The following NUDCD1 variants were observed in gnomAD, a reference collection of about 807,000 sequenced individuals.
NUDCD1 encodes the protein nudC domain-containing protein 1.
NUDCD1 carries 60 observed loss-of-function variants against 67.8 expected under a neutral mutation model. That is an observed-to-expected ratio of 0.88 (90% CI 0.72 to 1.10). NUDCD1 has a LOEUF of 1.10. Ranked by LOEUF, NUDCD1 falls within the 50% of genes least tolerant of loss-of-function variation. The pLI, the probability that NUDCD1 is intolerant of heterozygous loss-of-function variation, is 0.00. For synonymous variants in NUDCD1, 244 were observed against 230.8 expected (o/e 1.06, Z -0.52); for missense variants, 643 against 695.0 (o/e 0.93, Z 0.84).
At chr8:109,324,453 C>T (rs1446884066) in intron 1 of NUDCD1, among the ~76,000 whole-genome samples, 2 of 151,408 alleles carry the variant, frequency 1.3e-5, no homozygotes, top group Admixed American at 1.3e-4. Context: ...TATAATCTGT[C>T]AGTGGGAATG....
At chr8:109,271,461 C>G (rs1814155675) in intron 7 of NUDCD1, among the ~76,000 whole-genome samples, 1 of 152,078 alleles carries the variant, frequency 6.6e-6, no homozygotes, top group Admixed American at 6.6e-5. Flanking sequence ...ATGTGACAGA[C>G]AGCTGATTAG....
chr8:109,307,404 C>T (rs866088792), intron 2 of NUDCD1, among the ~76,000 whole-genome samples: 3 of 152,198 alleles, frequency 2.0e-5, no homozygotes, highest in African/African-American at 7.2e-5. Context: ...AAATAAACAG[C>T]CTTGTGGCTC....
At chr8:109,301,253 C>G (rs1009941906) in intron 2 of NUDCD1, among the ~76,000 whole-genome samples, 2 of 152,168 alleles carry the variant, frequency 1.3e-5, no homozygotes, top group Non-Finnish European at 2.9e-5. Context: ...ATATTCTCCC[C>G]GATCCTTAAG....
chr8:109,330,899 G>C (rs1456648801), intron 1 of NUDCD1, among the ~76,000 whole-genome samples: 1 of 152,164 alleles, frequency 6.6e-6, no homozygotes, highest in African/African-American at 2.4e-5. Context: ...GAATGGGGTA[G>C]GGGGAGGGAG....
chr8:109,266,232 A>AT (rs143631846), intron 8 of NUDCD1, among the ~76,000 whole-genome samples: 32 of 147,674 alleles, frequency 2.2e-4, no homozygotes, highest in Non-Finnish European at 3.3e-4. Context: ...ATTAGTAATA[A>AT]TTTTTTTTTT....
intron 8 of NUDCD1, among the ~76,000 whole-genome samples, chr8:109,261,972 G>A (rs1029488001): frequency 1.3e-5 from 2 of 151,998 alleles, no homozygotes; most frequent in African/African-American, 4.8e-5. Context: ...ACACAGGTAT[G>A]GAGCACTGCA....
intron 6 of NUDCD1, among the ~76,000 whole-genome samples, chr8:109,280,272 A>C (rs1814401620): frequency 6.6e-6 from 1 of 152,206 alleles, no homozygotes; most frequent in South Asian, 2.1e-4. Context: ...TTGCAAGTGA[A>C]CAAAAGCAAG....
chr8:109,333,490 G>T (rs1208659880), intron 1 of NUDCD1, among the ~76,000 whole-genome samples: 1 of 152,206 alleles, frequency 6.6e-6, no homozygotes, highest in African/African-American at 2.4e-5. Flanking sequence ...GGAACTGGGG[G>T]TCCTCCAAGG....
At chr8:109,284,522 C>T (rs1426079062) in intron 5 of NUDCD1, among the ~76,000 whole-genome samples, 2 of 152,094 alleles carry the variant, frequency 1.3e-5, no homozygotes, top group Non-Finnish European at 2.9e-5. Context: ...CACTCACACA[C>T]TCAGCCATAA....
rs537925706 is a variant in NUDCD1, at chr8:109,262,455, C to T, written c.1299+8550G>A. ...TGCCAAAATAAACAGCAGCCAGAAT[C>T]CCCTCACCCATCACTCACCATTTGA... On this transcript the variant is annotated intron_variant, in intron 8 of 9. Transcript: ENST00000239690. Among the ~76,000 whole-genome samples, 5 of 152,316 alleles carry T rather than the reference C, an allele frequency of 3.3e-5. No homozygotes were observed. The South Asian group carries it at 1.0e-3, about 32-fold the overall frequency.
intron 2 of NUDCD1, among the ~76,000 whole-genome samples, chr8:109,310,839 A>G (rs1481113117): frequency 7.8e-6 from 1 of 128,958 alleles, no homozygotes; most frequent in African/African-American, 2.9e-5. Flanking sequence ...TTTTTTGAGA[A>G]GGAGTCTTGT....
intron 2 of NUDCD1, among the ~76,000 whole-genome samples, chr8:109,315,019 T>C (rs1815356717): frequency 6.6e-6 from 1 of 152,162 alleles, no homozygotes; most frequent in African/African-American, 2.4e-5. Context: ...GACAATGATA[T>C]TTAAAACTTT....
Position 109,281,230 on chromosome 8 carries a change from C to A in NUDCD1, c.824-58G>T, listed in dbSNP as rs988160011. 23 of 1,106,562 alleles carry A rather than the reference C, an allele frequency of 2.1e-5. No individual in the cohort carries two copies. The African/African-American group carries it at 2.3e-4, about 11-fold the overall frequency. The allele number at this position is 1,106,562 out of a possible 1,614,324, so 68.5% of individuals were successfully genotyped here. On this transcript the variant is annotated intron_variant, in intron 5 of 9. Coordinates refer to ENST00000239690, the MANE Select transcript of NUDCD1 (RefSeq NM_032869.4). ...AAAAATTAGAGAAAGCATACACACA[C>A]ACAAAACCTATCTAAAAGAATTTTA...
intron 6 of NUDCD1, among the ~76,000 whole-genome samples, chr8:109,277,977 A>G (rs1814336199): frequency 6.6e-6 from 1 of 152,210 alleles, no homozygotes; most frequent in Non-Finnish European, 1.5e-5. Flanking sequence ...ACCTTTTACA[A>G]CTTCAAACTT....
chr8:109,253,735 T>C (rs531774859), intron 8 of NUDCD1, among the ~76,000 whole-genome samples: 1 of 152,274 alleles, frequency 6.6e-6, no homozygotes, highest in African/African-American at 2.4e-5. Context: ...AAAAGTAAAG[T>C]GACTAAAATA....
At position 109,275,483 on chromosome 8, in the gene NUDCD1, A is replaced by T. The variant is rs1814264418; in HGVS notation, c.1042T>A (p.Leu348Met). 1.2e-6 allele frequency: 2 copies of T among 1,610,804 alleles called. No individual in the cohort carries two copies. Among genetic ancestry groups the T allele is most frequent in the Non-Finnish European group, 1.7e-6 (2 of 1,178,732 alleles). The change falls in exon 7 of 10, where the codon TTG becomes ATG. Residue 348 changes from leucine (L) to methionine (M), a missense_variant. Leu to Met is a conservative substitution (Grantham distance 15). Transcript: ENST00000239690. Reference protein sequence around the residue: ...IKESNSLEISLIKKNEGLTWP... With the variant: ...IKESNSLEISMIKKNEGLTWP... The stretch of plus-strand genomic sequence containing the variant: ...GTCAGTCCTTCATTCTTCTTAATCA[A>T]GGAAATCTCCAAGCTAGAAGTTTAA...
chr8:109,296,646 G>C, intron 2 of NUDCD1, 77 bp from the exon 3 acceptor site: 2 of 996,950 alleles, frequency 2.0e-6, no homozygotes, highest in South Asian at 3.5e-5. Context: ...TCTGCGGTGT[G>C]GTGGTTTCTC....
intron 8 of NUDCD1, among the ~76,000 whole-genome samples, chr8:109,263,632 T>C (rs919777770): frequency 6.6e-6 from 1 of 152,158 alleles, no homozygotes; most frequent in Admixed American, 6.6e-5. Flanking sequence ...TTTCTAAGAA[T>C]TAGTGCTGTT....
At chr8:109,294,185 T>C (rs573361765) in intron 3 of NUDCD1, among the ~76,000 whole-genome samples, 5 of 138,924 alleles carry the variant, frequency 3.6e-5, no homozygotes, top group South Asian at 2.6e-4. Context: ...AAATAAGATA[T>C]GGACAGTTGA....
Sources: allele counts gnomAD v4.1 joint callset (sites outside exome capture counted in the v4.1 genomes callset), GRCh38; gene constraint gnomAD v4.1.1; transcripts MANE v1.5; gene names NCBI Gene and HGNC (gene_info 2026-07-23, HGNC 2026-07-21).